The following ANO2 variants were observed in gnomAD, a reference collection of about 807,000 sequenced individuals.
ANO2 encodes the protein anoctamin 2, also known as anoctamin-2.
ANO2 carries 101 observed loss-of-function variants against 124.2 expected under a neutral mutation model. That is an observed-to-expected ratio of 0.81 (90% CI 0.69 to 0.96). ANO2 has a LOEUF of 0.96. ANO2 is among the 40% of genes least tolerant of loss of function. The pLI is 0.00. For synonymous variants in ANO2, 486 were observed against 482.5 expected (o/e 1.01, Z -0.09); for missense variants, 1,293 against 1,274.5 (o/e 1.01, Z -0.22).
intron 23 of ANO2, among the ~76,000 whole-genome samples, chr12:5,572,233 C>T (rs1344018866): frequency 6.6e-6 from 1 of 152,140 alleles, no homozygotes; most frequent in African/African-American, 2.4e-5. Context: ...TCATAGCTTA[C>T]CCCTCTCACC....
chr12:5,633,030 G>A (rs1277435087), intron 16 of ANO2, among the ~76,000 whole-genome samples: 1 of 152,188 alleles, frequency 6.6e-6, no homozygotes, highest in African/African-American at 2.4e-5. Context: ...ACCACATGGA[G>A]CGGGTAGGGG....
chr12:5,565,642 C>A lies in ANO2; in HGVS notation c.2643G>T (p.Pro881=). Residue 881 remains proline (P), a synonymous_variant, in exon 24 of 25, where the codon CCG becomes CCT. Transcript: ENST00000682330. ...ACTCATAAGGGTTCGGGGCCCATGG[C>A]GGCTCTCGGTAATCCTTAAACCTGC... ...QFCRFKDYRE[P]PWAPNPYEFS... The A allele has an allele frequency of 6.2e-7, 1 of 1,600,908 alleles. No individual in the cohort carries two copies. Among genetic ancestry groups the A allele is most frequent in the Non-Finnish European group, 8.5e-7 (1 of 1,173,604 alleles).
At chr12:5,807,489 C>A in intron 7 of ANO2, 121 bp from the exon 8 acceptor site, 1 of 728,490 alleles carries the variant, frequency 1.4e-6, no homozygotes, top group East Asian at 2.9e-5. Context: ...GCATCCTCCT[C>A]TATATCATCC....
chr12:5,871,285 T>C (rs1937675551), intron 3 of ANO2, among the ~76,000 whole-genome samples: 1 of 152,242 alleles, frequency 6.6e-6, no homozygotes, highest in African/African-American at 2.4e-5. Context: ...TTTATATTTT[T>C]TGAAGGTCAA....
At chr12:5,715,462 C>T (rs1247017444) in intron 14 of ANO2, among the ~76,000 whole-genome samples, 1 of 152,154 alleles carries the variant, frequency 6.6e-6, no homozygotes, top group African/African-American at 2.4e-5. Context: ...ATACAAGTAA[C>T]CCACCCATTC....
At chr12:5,883,884 G>A (rs1231571753) in intron 3 of ANO2, among the ~76,000 whole-genome samples, 1 of 152,164 alleles carries the variant, frequency 6.6e-6, no homozygotes, top group Non-Finnish European at 1.5e-5. Flanking sequence ...GATTGATTGA[G>A]CCATGTGTGG....
chr12:5,768,093 A>G (rs1291043312), intron 10 of ANO2, among the ~76,000 whole-genome samples: 1 of 152,176 alleles, frequency 6.6e-6, no homozygotes, highest in Non-Finnish European at 1.5e-5. Flanking sequence ...CGTGCCAGAC[A>G]CTGGGCTTTT....
intron 3 of ANO2, among the ~76,000 whole-genome samples, chr12:5,877,074 T>C (rs11063896): frequency 0.49 from 73,829 of 152,052 alleles, 18,154 homozygotes; most frequent in South Asian, 0.59. Flanking sequence ...GCCCTTACCC[T>C]GAAAAATTCA....
intron 19 of ANO2, among the ~76,000 whole-genome samples, chr12:5,610,860 AAC>A (rs1176420910): frequency 9.7e-6 from 1 of 103,288 alleles, no homozygotes; most frequent in East Asian, 3.2e-4. Context: ...ACACACACAC[AAC>A]CCTAAGGGAA....
At chr12:5,647,368 G>A (rs1366698415) in intron 15 of ANO2, among the ~76,000 whole-genome samples, 1 of 152,214 alleles carries the variant, frequency 6.6e-6, no homozygotes, top group Admixed American at 6.5e-5. Context: ...CCGAGCCCAA[G>A]CTGGCTATCT....
Position 5,769,013 on chromosome 12 carries a change from G to A in ANO2, c.1056-18043C>T, listed in dbSNP as rs1951987266. On this transcript the variant is annotated intron_variant, in intron 10 of 24. Transcript: ENST00000682330. The surrounding 1 kb of genome is among the most constrained non-coding windows in gnomAD (Gnocchi z 4.0). ...AGAGGGCTGGGCTCGGGATGGCAGC[G>A]CTGTGGAAGCTGGGCTTAGCTTATG... is the stretch of plus-strand genomic sequence containing the variant. 6.6e-6 allele frequency among the ~76,000 whole-genome samples: 1 copy of A among 152,168 alleles called. No homozygotes were observed. Among genetic ancestry groups the A allele is most frequent in the African/African-American group, 2.4e-5 (1 of 41,414 alleles).
chr12:5,576,941 A>G (rs1243855157), intron 22 of ANO2, among the ~76,000 whole-genome samples: 1 of 152,178 alleles, frequency 6.6e-6, no homozygotes, highest in African/African-American at 2.4e-5. Flanking sequence ...AATTTCCCAA[A>G]TGATCTTATT....
intron 3 of ANO2, among the ~76,000 whole-genome samples, chr12:5,855,483 G>T (rs562195131): frequency 3.9e-5 from 6 of 152,344 alleles, no homozygotes; most frequent in Non-Finnish European, 7.3e-5. Flanking sequence ...CTTTGAGGAA[G>T]AAAGCTCATG....
intron 9 of ANO2, among the ~76,000 whole-genome samples, chr12:5,803,794 C>T: frequency 6.6e-6 from 1 of 152,184 alleles, no homozygotes; most frequent in South Asian, 2.1e-4. Flanking sequence ...AGACTTCCAG[C>T]CCCTACCTGG....
At chr12:5,860,171 C>G (rs1955223347) in intron 3 of ANO2, among the ~76,000 whole-genome samples, 1 of 152,156 alleles carries the variant, frequency 6.6e-6, no homozygotes, top group Non-Finnish European at 1.5e-5. Flanking sequence ...TTGCAAAGCT[C>G]TCATCATCCC....
intron 7 of ANO2, among the ~76,000 whole-genome samples, chr12:5,815,108 C>T (rs552974602): frequency 6.6e-6 from 1 of 152,216 alleles, no homozygotes; most frequent in South Asian, 2.1e-4. Flanking sequence ...ACAGAAAACC[C>T]AGAAACAAGA....
At chr12:5,921,641 G>A (rs1941707778) in intron 2 of ANO2, among the ~76,000 whole-genome samples, 1 of 152,060 alleles carries the variant, frequency 6.6e-6, no homozygotes, top group South Asian at 2.1e-4. Flanking sequence ...CACACAGACT[G>A]TACCTGCAGC....
chr12:5,913,149 T>C (rs1345453262), intron 3 of ANO2, among the ~76,000 whole-genome samples: 1 of 152,112 alleles, frequency 6.6e-6, no homozygotes, highest in Non-Finnish European at 1.5e-5. Context: ...GGGGACGCTG[T>C]CACCCTAGAA....
chr12:5,860,573 T>C (rs570554930), intron 3 of ANO2, among the ~76,000 whole-genome samples: 4 of 152,350 alleles, frequency 2.6e-5, no homozygotes, highest in South Asian at 4.1e-4. Context: ...CACAAAGTAA[T>C]TGGTGACCTT....
Sources: gnomAD v4.1 joint callset for allele counts (sites outside exome capture counted in the v4.1 genomes callset) on GRCh38, gnomAD v4.1.1 for gene constraint, Gnocchi (gnomAD v3.1) non-coding constraint, MANE v1.5 for transcripts, NCBI Gene and HGNC (gene_info 2026-07-23, HGNC 2026-07-21) for gene names.